Variants in SHISA9 observed in about 807,000 individuals in gnomAD.
The protein encoded by SHISA9 is shisa family member 9.
Under a neutral mutation model 38.0 loss-of-function variants are expected in SHISA9, and 13 were observed. The ratio of observed to expected loss-of-function variants is 0.34; its 90% CI spans 0.22 to 0.54. The LOEUF (loss-of-function observed/expected upper bound fraction) is 0.54, where lower values mean the gene tolerates loss of function less well. Among genes scored for constraint, SHISA9 ranks in the 20% least tolerant of loss-of-function variants. The pLI, the probability that SHISA9 is intolerant of heterozygous loss-of-function variation, is 0.91. For synonymous variants in SHISA9, 275 were observed against 242.0 expected (o/e 1.14, Z -1.27); for missense variants, 538 against 575.8 (o/e 0.93, Z 0.67).
At chr16:13,270,883 A>T in the SHISA9 span, among the ~76,000 whole-genome samples, 2 of 152,080 alleles carry the variant, frequency 1.3e-5, no homozygotes, top group South Asian at 4.1e-4. Flanking sequence ...GCATCTGGGA[A>T]TCATTTGATA....
the SHISA9 span, among the ~76,000 whole-genome samples, chr16:13,531,088 A>G: frequency 7.9e-5 from 12 of 151,930 alleles, no homozygotes; most frequent in Non-Finnish European, 1.0e-4. Flanking sequence ...CCCTGAATCA[A>G]CCTCCATTGA....
At chr16:13,330,082 G>A in the SHISA9 span, among the ~76,000 whole-genome samples, 1 of 152,338 alleles carries the variant, frequency 6.6e-6, no homozygotes, top group African/African-American at 2.4e-5. Flanking sequence ...CTAACACATT[G>A]TAAGTTATCA....
At chr16:13,505,359 C>T in the SHISA9 span, among the ~76,000 whole-genome samples, 1 of 152,142 alleles carries the variant, frequency 6.6e-6, no homozygotes, top group Non-Finnish European at 1.5e-5. Flanking sequence ...TCTTATTGAT[C>T]ACCTCTATGG....
At chr16:13,152,284 A>T (rs2050506420) in intron 2 of SHISA9, among the ~76,000 whole-genome samples, 1 of 152,078 alleles carries the variant, frequency 6.6e-6, no homozygotes, top group Non-Finnish European at 1.5e-5. Flanking sequence ...ACAAGTCAGG[A>T]GAGGTTGTCT....
At chr16:12,919,404 G>A (rs2071299623) in intron 2 of SHISA9, among the ~76,000 whole-genome samples, 1 of 152,180 alleles carries the variant, frequency 6.6e-6, no homozygotes, top group Non-Finnish European at 1.5e-5. Context: ...GAACATCCAA[G>A]TTGTTAGATT....
the SHISA9 span, among the ~76,000 whole-genome samples, chr16:13,367,697 T>TGCGC: frequency 2.5e-3 from 290 of 116,136 alleles, 3 homozygotes; most frequent in Middle Eastern, 0.019. Context: ...CGCGTGTGCG[T>TGCGC]GCGCGCGCGC....
At chr16:13,176,163 A>C (rs552367269) in intron 2 of SHISA9, among the ~76,000 whole-genome samples, 1 of 151,824 alleles carries the variant, frequency 6.6e-6, no homozygotes, top group East Asian at 1.9e-4. Context: ...CAATTTCTTT[A>C]CTCAGTTTAT....
intron 2 of SHISA9, among the ~76,000 whole-genome samples, chr16:13,105,585 G>A (rs1174999654): frequency 2.6e-5 from 4 of 152,236 alleles, no homozygotes; most frequent in Non-Finnish European, 5.9e-5. Flanking sequence ...GAGGAGGGAG[G>A]TCTTGGCCCG....
chr16:12,947,187 G>T (rs1278774241), intron 2 of SHISA9, among the ~76,000 whole-genome samples: 6 of 152,196 alleles, frequency 3.9e-5, no homozygotes, highest in Non-Finnish European at 7.3e-5. Flanking sequence ...GACCTTCAAG[G>T]ACTAGTGGGT....
the SHISA9 span, among the ~76,000 whole-genome samples, chr16:13,533,659 T>C: frequency 3.3e-5 from 5 of 152,092 alleles, no homozygotes; most frequent in Non-Finnish European, 5.9e-5. Flanking sequence ...CCTCCACTTA[T>C]GCAAAGCCCC....
the SHISA9 span, among the ~76,000 whole-genome samples, chr16:13,472,377 ATTTTTTTTTTTTTTTTTT>A: frequency 2.2e-4 from 12 of 55,472 alleles, no homozygotes; most frequent in South Asian, 6.5e-3. Flanking sequence ...GCTCTGCTAA[ATTTTTTTTTTTTTTTTTT>A]TTTTTTTTTT....
At chr16:13,488,724 C>T in the SHISA9 span, among the ~76,000 whole-genome samples, 1 of 152,170 alleles carries the variant, frequency 6.6e-6, no homozygotes, top group Non-Finnish European at 1.5e-5. Context: ...GATCCAATCA[C>T]CTAACAATGC....
chr16:13,312,090 C>A, the SHISA9 span, among the ~76,000 whole-genome samples: 1 of 152,148 alleles, frequency 6.6e-6, no homozygotes, highest in Admixed American at 6.5e-5. Flanking sequence ...GCTTATTCTT[C>A]AAAATATTTT....
At chr16:13,031,899 C>T (rs1178037505) in intron 2 of SHISA9, among the ~76,000 whole-genome samples, 1 of 152,144 alleles carries the variant, frequency 6.6e-6, no homozygotes, top group Non-Finnish European at 1.5e-5. Flanking sequence ...AACTGAGCCA[C>T]ATAGGAATAC....
the SHISA9 span, among the ~76,000 whole-genome samples, chr16:13,335,698 A>T: frequency 6.6e-6 from 1 of 152,132 alleles, no homozygotes; most frequent in Non-Finnish European, 1.5e-5. Flanking sequence ...AGGCTCTGTT[A>T]TCCCATGAGC....
the SHISA9 span, among the ~76,000 whole-genome samples, chr16:13,467,755 C>G: frequency 6.6e-6 from 1 of 152,194 alleles, no homozygotes; most frequent in Admixed American, 6.5e-5. Context: ...CCTCATTTCC[C>G]TCCTTCGTCC....
chr16:12,941,669 A>G (rs973402538), intron 2 of SHISA9, among the ~76,000 whole-genome samples: 1 of 152,218 alleles, frequency 6.6e-6, no homozygotes, highest in African/African-American at 2.4e-5. Context: ...CCTGACCAGC[A>G]TGGTGAAACC....
intron 2 of SHISA9, among the ~76,000 whole-genome samples, chr16:13,020,121 GGCTGAA>G (rs1403367851): frequency 6.7e-6 from 1 of 149,768 alleles, no homozygotes; most frequent in African/African-American, 2.5e-5. Context: ...CTGCCATCCA[GGCTGAA>G]GCAATTCTCC....
At chr16:13,102,071 A>C (rs2073884185) in intron 2 of SHISA9, among the ~76,000 whole-genome samples, 1 of 152,080 alleles carries the variant, frequency 6.6e-6, no homozygotes, top group Non-Finnish European at 1.5e-5. Flanking sequence ...ACTTATTTAC[A>C]TTCCCCGACT....
Sources: allele counts gnomAD v4.1 joint callset (sites outside exome capture counted in the v4.1 genomes callset), GRCh38; gene constraint gnomAD v4.1.1; transcripts MANE v1.5; gene names NCBI Gene and HGNC (gene_info 2026-07-23, HGNC 2026-07-21).